The following NFIB variants were observed in gnomAD, a reference collection of about 807,000 sequenced individuals.
NFIB encodes nuclear factor I B.
NFIB carries 11 observed loss-of-function variants against 61.5 expected under a neutral mutation model. The observed-to-expected ratio is 0.18, with a 90% CI of 0.11 to 0.30. NFIB has a LOEUF of 0.30. Among genes scored for constraint, NFIB ranks in the 10% least tolerant of loss-of-function variants. The pLI is 1.00. For synonymous variants in NFIB, 260 were observed against 216.5 expected (o/e 1.20, Z -1.76); for missense variants, 471 against 608.9 (o/e 0.77, Z 2.38).
chr9:14,325,354 G>A (rs1468242826), intron 1 of NFIB, among the ~76,000 whole-genome samples: 1 of 152,040 alleles, frequency 6.6e-6, no homozygotes, highest in East Asian at 1.9e-4. Flanking sequence ...AAATACACTT[G>A]CAGTTAAGAT....
chr9:14,232,709 G>C (rs542388995), intron 2 of NFIB, among the ~76,000 whole-genome samples: 1 of 152,266 alleles, frequency 6.6e-6, no homozygotes, highest in Admixed American at 6.5e-5. Context: ...GAAATTTAAG[G>C]AGCAGAATCC....
chr9:14,377,410 G>T (rs985391485), intron 1 of NFIB, among the ~76,000 whole-genome samples: 1 of 152,028 alleles, frequency 6.6e-6, no homozygotes. Flanking sequence ...CTAGAAATGG[G>T]GTCTTGCTCT....
chr9:14,453,452 A>G, the NFIB span, among the ~76,000 whole-genome samples: 5 of 152,190 alleles, frequency 3.3e-5, no homozygotes, highest in Non-Finnish European at 7.3e-5. Flanking sequence ...CTAATCATCT[A>G]CTCTTGAATT....
intron 1 of NFIB, among the ~76,000 whole-genome samples, chr9:14,354,572 G>C (rs1178923891): frequency 6.6e-6 from 1 of 152,152 alleles, no homozygotes; most frequent in East Asian, 1.9e-4. Context: ...ACATGGTTGG[G>C]TTTCCATTGA....
chr9:14,344,017 A>T (rs1317836867), intron 1 of NFIB, among the ~76,000 whole-genome samples: 1 of 151,922 alleles, frequency 6.6e-6, no homozygotes. Flanking sequence ...CAGTTAGGAG[A>T]TGCTACAGAA....
chr9:14,132,074 T>G (rs367574759), intron 6 of NFIB, among the ~76,000 whole-genome samples: 94 of 152,306 alleles, frequency 6.2e-4, no homozygotes, highest in African/African-American at 2.2e-3. Flanking sequence ...GTAACACAAT[T>G]TTTAACAATT....
chr9:14,220,541 G>A (rs1022298537), intron 2 of NFIB, among the ~76,000 whole-genome samples: 16 of 152,072 alleles, frequency 1.1e-4, no homozygotes, highest in African/African-American at 3.9e-4. Context: ...CCCCGCCTGG[G>A]AGCCCCAGTT....
rs2046230101 is a variant in NFIB at position 14,176,715 on chromosome 9, A to AG, written c.616+3011dup. The stretch of plus-strand genomic sequence containing the variant: ...TCCATACTATAGTTTGAAGAGCTTT[A>AG]GGGTCACCCTTCAGAAGTTCTAAGT... On this transcript the variant is annotated intron_variant, in intron 3 of 10. Coordinates refer to ENST00000380953, the MANE Select transcript of NFIB (RefSeq NM_001190737.2). Among the ~76,000 whole-genome samples, 3 of 152,282 alleles carry AG rather than the reference A, an allele frequency of 2.0e-5. No homozygotes were observed. The South Asian group carries it at 6.2e-4, about 32-fold the overall frequency.
chr9:14,156,381 T>C (rs1470975526), intron 3 of NFIB, among the ~76,000 whole-genome samples: 2 of 152,232 alleles, frequency 1.3e-5, no homozygotes, highest in Admixed American at 6.5e-5. Context: ...CCCCGACCCT[T>C]GTTCCAGGGT....
chr9:14,099,147 A>G (rs984850804), intron 10 of NFIB, among the ~76,000 whole-genome samples: 1 of 152,238 alleles, frequency 6.6e-6, no homozygotes, highest in African/African-American at 2.4e-5. Context: ...ACAACAATCA[A>G]TCAAAATAAA....
intron 2 of NFIB, among the ~76,000 whole-genome samples, chr9:14,226,969 G>A (rs760655469): frequency 2.8e-5 from 4 of 141,436 alleles, no homozygotes; most frequent in African/African-American, 5.3e-5. Context: ...GTGAAACTCC[G>A]TCTCTAATAA....
At chr9:14,425,749 C>T in the NFIB span, among the ~76,000 whole-genome samples, 3 of 151,560 alleles carry the variant, frequency 2.0e-5, no homozygotes, top group Non-Finnish European at 1.5e-5. Flanking sequence ...ATTGATTGGA[C>T]CATGGGCTAC....
rs1431597196 is a variant in NFIB at position 14,167,047 on chromosome 9, T to C, written c.617-11154A>G. Among the ~76,000 whole-genome samples the C allele has an allele frequency of 3.5e-5, 5 of 142,248 alleles. No individual in the cohort carries two copies. The East Asian group carries it at 1.2e-3, about 34-fold the overall frequency. 93.3% of individuals were successfully genotyped at this position (142,248 alleles called of 152,430 possible). ...ATCCCATTTCCCTTGTTCCTCCATA[T>C]TTTCTCACCAAGGGCATATTGTTGT... On this transcript the variant is annotated intron_variant, in intron 3 of 10. Transcript: ENST00000380953.
At position 14,153,535 on chromosome 9, in the gene NFIB, C is replaced by T. The variant is rs2043081826; in HGVS notation, c.685+2290G>A. On this transcript the variant is annotated intron_variant, in intron 4 of 10. Coordinates refer to ENST00000380953, the MANE Select transcript of NFIB (RefSeq NM_001190737.2). ...AACCTCAGATTCTAAGGGTTAGAGGCCAACCTTTAATCTCCCTTATTGTTC... is the reference window on the plus strand; with the variant it reads ...AACCTCAGATTCTAAGGGTTAGAGGTCAACCTTTAATCTCCCTTATTGTTC... 2.0e-5 allele frequency among the ~76,000 whole-genome samples: 3 copies of T among 152,060 alleles called. No homozygotes were observed. The South Asian group carries it at 6.2e-4, about 32-fold the overall frequency.
chr9:14,367,794 C>T (rs2061317460), intron 1 of NFIB, among the ~76,000 whole-genome samples: 1 of 152,124 alleles, frequency 6.6e-6, no homozygotes, highest in African/African-American at 2.4e-5. Context: ...AAACCAAACA[C>T]CGCACGTTCT....
At chr9:14,146,879 T>G in intron 5 of NFIB, 72 bp from the exon 6 acceptor site, 1 of 1,569,380 alleles carries the variant, frequency 6.4e-7, no homozygotes, top group Non-Finnish European at 8.6e-7. Context: ...GTAAATGATC[T>G]GAGAAGATCC....
upstream of NFIB, among the ~76,000 whole-genome samples, chr9:14,318,114 G>T (rs568524642): frequency 6.6e-6 from 1 of 152,096 alleles, no homozygotes; most frequent in Non-Finnish European, 1.5e-5. Flanking sequence ...GCAGAAAGAA[G>T]TGAATGATTC....
chr9:14,403,007 G>T (rs73641922), upstream of NFIB, among the ~76,000 whole-genome samples: 157 of 152,324 alleles, frequency 1.0e-3, 1 homozygote, highest in African/African-American at 3.6e-3. Flanking sequence ...TTGAAATACT[G>T]AATCTGGACT....
the NFIB span, among the ~76,000 whole-genome samples, chr9:14,453,891 G>A: frequency 2.6e-5 from 4 of 151,770 alleles, no homozygotes; most frequent in East Asian, 7.7e-4. Flanking sequence ...GACCACCCTG[G>A]CCAACATGGT....
Sources: gnomAD v4.1 joint callset for allele counts (sites outside exome capture counted in the v4.1 genomes callset) on GRCh38, gnomAD v4.1.1 for gene constraint, MANE v1.5 for transcripts, NCBI Gene and HGNC (gene_info 2026-07-23, HGNC 2026-07-21) for gene names.